BDNF: variants seen among roughly 807,000 people sequenced by gnomAD.
The protein encoded by BDNF is brain derived neurotrophic factor.
In BDNF, 1 loss-of-function variant was observed where a neutral mutation model predicts 19.5. The ratio of observed to expected loss-of-function variants is 0.05; its 90% CI spans 0.02 to 0.24. The LOEUF (loss-of-function observed/expected upper bound fraction) is 0.24. Among genes scored for constraint, BDNF ranks in the 10% least tolerant of loss-of-function variants. The pLI is 1.00. For synonymous variants in BDNF, 100 were observed against 121.6 expected, an observed-to-expected ratio of 0.82 and a Z score of 1.17; for missense variants, 195 against 317.6, an observed-to-expected ratio of 0.61 and a Z score of 2.93.
chr11:27,666,923 G>A lies in BDNF; in HGVS notation c.-21-8338C>T, dbSNP rs145960544. ...AAATTCAGGAAATACAGAGAATGCC[G>A]CAAAGATACTCCTCAAGAAGAGTAA... On this transcript the variant is annotated intron_variant, in intron 1 of 1. Transcript: ENST00000356660. 1.2e-3 allele frequency among the ~76,000 whole-genome samples: 175 copies of A among 152,100 alleles called. 3 individuals carry two copies. The East Asian group carries it at 0.031, about 27-fold the overall frequency.
At position 27,680,963 on chromosome 11, in the gene BDNF, C is replaced by T. The variant is rs530652587; in HGVS notation, c.-22+19201G>A. On this transcript the variant is annotated intron_variant, in intron 1 of 1. Coordinates refer to ENST00000356660, the MANE Select transcript of BDNF (RefSeq NM_001709.5). ...GTGCAAGTGGTCCATTGCTTTGGTT[C>T]ACAGGCTCTACAGTCCAGAAGATGA... Among the ~76,000 whole-genome samples, 26 of 152,250 alleles carry T rather than the reference C, an allele frequency of 1.7e-4. 1 individual carries two copies. In the South Asian group the frequency reaches 5.2e-3, roughly 30 times the overall value.
At chr11:27,682,768 A>G (rs1242032922) in intron 1 of BDNF, among the ~76,000 whole-genome samples, 1 of 152,090 alleles carries the variant, frequency 6.6e-6, no homozygotes, top group Non-Finnish European at 1.5e-5. Flanking sequence ...ATAGTATTCC[A>G]TGGTGTATGT....
At chr11:27,659,890 C>A (rs1201285702) in intron 1 of BDNF, among the ~76,000 whole-genome samples, 1 of 152,100 alleles carries the variant, frequency 6.6e-6, no homozygotes, top group Non-Finnish European at 1.5e-5. Flanking sequence ...GATGAACAAG[C>A]AAAATGAAAA....
chr11:27,712,923 C>A (rs1356137479), intron 1 of BDNF, among the ~76,000 whole-genome samples: 1 of 129,400 alleles, frequency 7.7e-6, no homozygotes, highest in Non-Finnish European at 1.6e-5. Context: ...TTCTTTCTTT[C>A]TTTCTTTTTT....
intron 1 of BDNF, among the ~76,000 whole-genome samples, chr11:27,717,860 AGTGTGTGT>A (rs56730757): frequency 5.4e-4 from 80 of 147,566 alleles, no homozygotes; most frequent in Non-Finnish European, 1.0e-3. Flanking sequence ...TTACAAGTTG[AGTGTGTGT>A]GTGTGTGTGT....
intron 1 of BDNF, among the ~76,000 whole-genome samples, chr11:27,662,852 C>T (rs543737475): frequency 4.6e-5 from 7 of 152,262 alleles, no homozygotes; most frequent in South Asian, 2.1e-4. Context: ...CTGGGTGTTG[C>T]GGATCCCTGC....
At chr11:27,680,952 T>C (rs562633510) in intron 1 of BDNF, among the ~76,000 whole-genome samples, 1 of 152,302 alleles carries the variant, frequency 6.6e-6, no homozygotes, top group South Asian at 2.1e-4. Context: ...AAGTGGTCCA[T>C]TGCTTTGGTT....
Position 27,697,164 on chromosome 11 carries a change from CAG to C in BDNF, c.-22+2998_-22+2999del, listed in dbSNP as rs72348822. On this transcript the variant is annotated intron_variant, in intron 1 of 1. Transcript: ENST00000356660. ...GCACGCACACACACACACACACACA[CAG>C]AGAGAGAGAGAGAGAGAGAGAGAGA... Among the ~76,000 whole-genome samples, 578 of 133,140 alleles carry C rather than the reference CAG, an allele frequency of 4.3e-3. 3 individuals are homozygous for C. Among genetic ancestry groups the C allele is most frequent in the Non-Finnish European group, 4.4e-3 (281 of 63,844 alleles). The allele number at this position is 133,140 out of a possible 152,430, so 87.3% of individuals were successfully genotyped here.
At chr11:27,706,387 A>G (rs1860112117) in intron 1 of BDNF, among the ~76,000 whole-genome samples, 1 of 152,156 alleles carries the variant, frequency 6.6e-6, no homozygotes, top group African/African-American at 2.4e-5. Flanking sequence ...TCTTTTGGGG[A>G]GCTATCTAGA....
At chr11:27,691,991 G>C (rs1407058290) in intron 1 of BDNF, among the ~76,000 whole-genome samples, 1 of 152,096 alleles carries the variant, frequency 6.6e-6, no homozygotes, top group Non-Finnish European at 1.5e-5. Flanking sequence ...AATTTGATAA[G>C]AACTTTTTTT....
At chr11:27,699,274 G>A (rs1242247342) in intron 1 of BDNF, 6 of 1,488,462 alleles carry the variant, frequency 4.0e-6, no homozygotes, top group Non-Finnish European at 5.6e-6. Flanking sequence ...GCAGCCCCGA[G>A]GCTTCTTCCT....
chr11:27,687,703 C>T (rs1393044012), intron 1 of BDNF, among the ~76,000 whole-genome samples: 4 of 152,204 alleles, frequency 2.6e-5, no homozygotes, highest in Non-Finnish European at 5.9e-5. Flanking sequence ...GAGGTCCACT[C>T]CAGACCCTGT....
intron 1 of BDNF, among the ~76,000 whole-genome samples, chr11:27,719,317 C>G (rs1374545508): frequency 6.6e-6 from 1 of 152,216 alleles, no homozygotes; most frequent in Non-Finnish European, 1.5e-5. Flanking sequence ...CTCGCCCTGG[C>G]AGGGCGGTCT....
At chr11:27,721,430 C>T (rs1860737370) in exon 1 of BDNF, 1 of 1,614,078 alleles carries the variant, frequency 6.2e-7, no homozygotes, top group African/African-American at 1.3e-5. Context: ...CTTTGCTGTC[C>T]TGGAGACTCA....
chr11:27,679,153 G>A (rs990033128), intron 1 of BDNF, among the ~76,000 whole-genome samples: 2 of 152,170 alleles, frequency 1.3e-5, no homozygotes, highest in East Asian at 3.8e-4. Flanking sequence ...ATGCACTCCT[G>A]GACCTCCTCT....
intron 1 of BDNF, among the ~76,000 whole-genome samples, chr11:27,706,759 A>G (rs942718470): frequency 6.6e-6 from 1 of 152,206 alleles, no homozygotes; most frequent in African/African-American, 2.4e-5. Context: ...GCTGTTGGGA[A>G]AAACTAAAGG....
chr11:27,672,627 A>G (rs1056220708), intron 1 of BDNF, among the ~76,000 whole-genome samples: 1 of 152,160 alleles, frequency 6.6e-6, no homozygotes, highest in African/African-American at 2.4e-5. Flanking sequence ...TGAAATATTA[A>G]AATAGTAAAT....
exon 1 of BDNF, chr11:27,721,859 C>T (rs1216463745): frequency 5.8e-6 from 1 of 170,972 alleles, no homozygotes; most frequent in African/African-American, 2.4e-5. Context: ...CAGGGTACCC[C>T]TGTAAAAAAA....
At chr11:27,715,903 A>G (rs1860490209) in intron 1 of BDNF, among the ~76,000 whole-genome samples, 1 of 152,266 alleles carries the variant, frequency 6.6e-6, no homozygotes, top group South Asian at 2.1e-4. Context: ...TGTTATTACT[A>G]GGAAATACAA....
Sources: gnomAD v4.1 joint callset for allele counts (sites outside exome capture counted in the v4.1 genomes callset) on GRCh38, gnomAD v4.1.1 for gene constraint, MANE v1.5 for transcripts, NCBI Gene and HGNC (gene_info 2026-07-23, HGNC 2026-07-21) for gene names.